HTRA4: variants seen among roughly 807,000 people sequenced by gnomAD.
HTRA4 encodes serine protease HTRA4.
In HTRA4, 46 loss-of-function variants were observed where a neutral mutation model predicts 49.1. That is an observed-to-expected ratio of 0.94 (90% CI 0.74 to 1.20). The LOEUF is 1.20. HTRA4 is among the 50% of genes most tolerant of loss of function. The pLI is 0.00. For missense variants in HTRA4, 602 were observed against 636.9 expected (o/e 0.95, Z 0.59); for synonymous variants, 261 against 264.0 (o/e 0.99, Z 0.11).
intron 8 of HTRA4, among the ~76,000 whole-genome samples, chr8:38,984,147 C>T (rs940784997): frequency 6.6e-6 from 1 of 151,860 alleles, no homozygotes; most frequent in Admixed American, 6.6e-5. Flanking sequence ...ATTACAGGCA[C>T]CCGCCACCAC....
chr8:38,982,449 C>A, intron 6 of HTRA4, 49 bp from the exon 7 acceptor site: 1 of 1,529,688 alleles, frequency 6.5e-7, no homozygotes, highest in Non-Finnish European at 9.1e-7. Flanking sequence ...TTAAGCTGCG[C>A]TAACAGGAAA....
At chr8:38,978,543 A>G (rs886628997) in intron 4 of HTRA4, among the ~76,000 whole-genome samples, 2 of 152,148 alleles carry the variant, frequency 1.3e-5, no homozygotes, top group Non-Finnish European at 2.9e-5. Flanking sequence ...GTTCAGTGAG[A>G]AGAATATGTC....
chr8:38,981,075 T>TG (rs1564178972), intron 5 of HTRA4, among the ~76,000 whole-genome samples: 11 of 102,190 alleles, frequency 1.1e-4, no homozygotes, highest in Admixed American at 9.6e-5. Flanking sequence ...TTTTTTTTTT[T>TG]TTTTTTTTTT....
At position 38,984,705 on chromosome 8, in the gene HTRA4, C is replaced by T. The variant is rs1407871497; in HGVS notation, c.1268+1657C>T. ...CAGAGGTTGCAGTGAGCTGGGATCACGCCCCTGTACTCCAGCCTGGGCAAG... is the reference window on the plus strand; with the variant it reads ...CAGAGGTTGCAGTGAGCTGGGATCATGCCCCTGTACTCCAGCCTGGGCAAG... On this transcript the variant is annotated intron_variant, in intron 8 of 8. Transcript: ENST00000302495. 3.9e-5 allele frequency among the ~76,000 whole-genome samples: 6 copies of T among 152,086 alleles called. No individual in the cohort carries two copies. In the South Asian group the frequency reaches 8.3e-4, roughly 21 times the overall value.
intron 5 of HTRA4, among the ~76,000 whole-genome samples, chr8:38,981,326 G>A (rs1326391652): frequency 1.3e-5 from 2 of 151,656 alleles, no homozygotes; most frequent in Non-Finnish European, 2.9e-5. Flanking sequence ...TGATCCGCCC[G>A]CCTCGGCCTC....
chr8:38,981,501 A>G (rs1835424098), intron 5 of HTRA4, 152 bp from the exon 6 acceptor site: 1 of 607,524 alleles, frequency 1.6e-6, no homozygotes. Flanking sequence ...CTATAAAGGA[A>G]CATCCGTTGC....
chr8:38,982,546 T>C lies in HTRA4; in HGVS notation c.1163T>C (p.Leu388Pro). 6.2e-7 allele frequency: 1 copy of C among 1,614,164 alleles called. No individual in the cohort carries two copies. Among genetic ancestry groups the C allele is most frequent in the Non-Finnish European group, 8.5e-7 (1 of 1,179,972 alleles). Reference sequence around the variant, plus strand: ...TATCTGGGTCTGCAAATGCTGTCCCTCACTGTGCCGTAAGCATGTGTTTGA... The same window carrying C: ...TATCTGGGTCTGCAAATGCTGTCCCCCACTGTGCCGTAAGCATGTGTTTGA... ...KKYLGLQMLS[L>P]TVPLSEELKM... Residue 388 changes from leucine to proline, a missense_variant, in exon 7 of 9, where the codon CTC (leucine) becomes CCC (proline). Physicochemically the swap from Leu to Pro is moderately conservative, Grantham distance 98 (BLOSUM62 -3). Coordinates refer to ENST00000302495, the MANE Select transcript of HTRA4 (RefSeq NM_153692.4).
At chr8:38,983,536 A>AG (rs1835450062) in intron 8 of HTRA4, among the ~76,000 whole-genome samples, 1 of 152,166 alleles carries the variant, frequency 6.6e-6, no homozygotes, top group Non-Finnish European at 1.5e-5. Flanking sequence ...AAAAAAAAAA[A>AG]TATTATCATT....
chr8:38,985,821 G>A (rs1009673025), intron 8 of HTRA4, among the ~76,000 whole-genome samples: 1 of 152,178 alleles, frequency 6.6e-6, no homozygotes, highest in Non-Finnish European at 1.5e-5. Context: ...CCACTGAATC[G>A]GAATCTGTGT....
chr8:38,980,180 T>C (rs1835400963), intron 5 of HTRA4, among the ~76,000 whole-genome samples: 1 of 152,210 alleles, frequency 6.6e-6, no homozygotes, highest in Non-Finnish European at 1.5e-5. Flanking sequence ...ACATAGCATG[T>C]GATCATCCTT....
In HTRA4 at chr8:38,974,561, C is replaced by T. The variant is rs746972270; in HGVS notation, c.298C>T (p.Pro100Ser). The T allele has an allele frequency of 7.1e-7, 1 of 1,405,700 alleles. No homozygotes were observed. Among genetic ancestry groups the T allele is most frequent in the South Asian group, 1.5e-5 (1 of 65,054 alleles). 87.1% of individuals were successfully genotyped at this position (1,405,700 alleles called of 1,614,324 possible). ...PGLQCLQPLR[P>S]GFPSTCGCPT... ...GCTGCAGTGCCTCCAGCCGCTGCGC[C>T]CCGGGTTCCCCAGCACCTGCGGTTG... The change falls in exon 1 of 9, where the codon CCC becomes TCC. Residue 100 changes from proline to serine, a missense_variant. Physicochemically the swap from Pro to Ser is moderately conservative, Grantham distance 74. Transcript: ENST00000302495.
Position 38,988,326 on chromosome 8 carries a change from C to T in HTRA4, c.*228C>T, listed in dbSNP as rs1835512738. The T allele has an allele frequency of 2.7e-6, 1 of 375,902 alleles. No individual in the cohort carries two copies. The highest frequency in any genetic ancestry group is 4.6e-5 in the Admixed American group (1 of 21,840). The allele number at this position is 375,902 out of a possible 1,614,324, so 23.3% of individuals were successfully genotyped here. The stretch of plus-strand genomic sequence containing the variant: ...AGCCATAAAAAGCAACAGTCCTCTG[C>T]AGGGACATGGATGGAGCTGGAAACC... On this transcript the variant is annotated 3_prime_UTR_variant, in exon 9 of 9. Coordinates refer to ENST00000302495, the MANE Select transcript of HTRA4 (RefSeq NM_153692.4).
chr8:38,984,919 CA>C (rs1835466598), intron 8 of HTRA4, among the ~76,000 whole-genome samples: 1 of 151,618 alleles, frequency 6.6e-6, no homozygotes, highest in South Asian at 2.1e-4. Context: ...CTGTCTCAAA[CA>C]AACAAACAAG....
At position 38,974,533 on chromosome 8, in the gene HTRA4, G is replaced by A; in HGVS notation, c.270G>A (p.Pro90=). The A allele has an allele frequency of 1.4e-6, 2 of 1,416,974 alleles. No individual in the cohort carries two copies. Among genetic ancestry groups the A allele is most frequent in the Non-Finnish European group, 1.8e-6 (2 of 1,096,894 alleles). The allele number at this position is 1,416,974 out of a possible 1,614,324, so 87.8% of individuals were successfully genotyped here. A position where few individuals can be genotyped will look rare whatever the true frequency, so the allele number is the denominator to read the frequency against. Residue 90 remains proline (P), a synonymous_variant, in exon 1 of 9, where the codon CCG becomes CCA. Coordinates refer to ENST00000302495, the MANE Select transcript of HTRA4 (RefSeq NM_153692.4). ...CGGAQGQPCA[P]GLQCLQPLRP... is the part of the protein sequence containing the mutation. ...GGGCGCAGGGCCAACCGTGCGCCCC[G>A]GGGCTGCAGTGCCTCCAGCCGCTGC...
chr8:38,982,979 A>T lies in HTRA4; in HGVS notation c.1199A>T (p.Tyr400Phe). ...CTTAGTGAAGAATTGAAAATGCATT[A>T]TCCAGATTTCCCTGATGTGAGTTCT... ...VPLSEELKMH[Y>F]PDFPDVSSGV... The change falls in exon 8 of 9, where the codon TAT (tyrosine) becomes TTT (phenylalanine). Residue 400 changes from tyrosine to phenylalanine, a missense_variant. Tyr to Phe is a conservative substitution (Grantham distance 22, BLOSUM62 3). Coordinates refer to ENST00000302495, the MANE Select transcript of HTRA4 (RefSeq NM_153692.4). The T allele has an allele frequency of 4.3e-6, 7 of 1,613,360 alleles. No homozygotes were observed. The highest frequency in any genetic ancestry group is 5.9e-6 in the Non-Finnish European group (7 of 1,179,360).
intron 2 of HTRA4, 86 bp downstream of exon 2, chr8:38,975,216 T>A: frequency 1.5e-6 from 2 of 1,354,906 alleles, no homozygotes; most frequent in African/African-American, 1.4e-5. Context: ...AAGCGTCATT[T>A]AATCCTAAAA....
intron 1 of HTRA4, 105 bp downstream of exon 1, chr8:38,974,834 G>A (rs974747434): frequency 1.6e-6 from 2 of 1,213,780 alleles, no homozygotes; most frequent in African/African-American, 3.0e-5. Context: ...GTCCTCCTGC[G>A]TCATTTGCCT....
chr8:38,974,790 C>G, intron 1 of HTRA4, 61 bp downstream of exon 1: 1 of 1,386,358 alleles, frequency 7.2e-7, no homozygotes, highest in Non-Finnish European at 9.5e-7. Flanking sequence ...CGTAAAGGAA[C>G]AAGACCTCAC....
In HTRA4 at chr8:38,977,946, C is replaced by A. The variant is rs55736573; in HGVS notation, c.772-7C>A. Reference sequence around the variant, plus strand: ...TGTCCTCCCCATCCCTTTTTGGGCACGTGCAGGCTGAACTTCCTGTACTGA... The same window carrying A: ...TGTCCTCCCCATCCCTTTTTGGGCAAGTGCAGGCTGAACTTCCTGTACTGA... On this transcript the variant is annotated splice_polypyrimidine_tract_variant and splice_region_variant and intron_variant, in intron 3 of 8. Coordinates refer to ENST00000302495, the MANE Select transcript of HTRA4 (RefSeq NM_153692.4). 39 of 1,612,146 alleles carry A rather than the reference C, an allele frequency of 2.4e-5. No individual in the cohort carries two copies. Among genetic ancestry groups the A allele is most frequent in the Non-Finnish European group, 3.1e-5 (36 of 1,179,514 alleles).
Sources: allele counts gnomAD v4.1 joint callset (sites outside exome capture counted in the v4.1 genomes callset), GRCh38; gene constraint gnomAD v4.1.1; transcripts MANE v1.5; gene names NCBI Gene and HGNC (gene_info 2026-07-23, HGNC 2026-07-21).